Variants in MCTP2 observed in about 807,000 individuals in gnomAD.
The protein encoded by MCTP2 is multiple C2 and transmembrane domain containing 2.
MCTP2 carries 132 observed loss-of-function variants against 111.6 expected under a neutral mutation model. The observed-to-expected ratio is 1.18, with a 90% confidence interval of 1.03 to 1.37. MCTP2 has a LOEUF of 1.37. Ranked by LOEUF, MCTP2 falls within the 40% of genes most tolerant of loss-of-function variation. The pLI is 0.00. For synonymous variants in MCTP2, 395 were observed against 387.7 expected (o/e 1.02, Z -0.22); for missense variants, 1,183 against 1,067.9 (o/e 1.11, Z -1.50).
chr15:94,450,320 G>A (rs1202733289), intron 19 of MCTP2, among the ~76,000 whole-genome samples: 11 of 152,234 alleles, frequency 7.2e-5, no homozygotes, highest in Non-Finnish European at 1.6e-4. Flanking sequence ...AGCACGAGCT[G>A]TGGCGTTGAC....
chr15:94,442,994 A>G, intron 19 of MCTP2, 34 bp downstream of exon 19: 1 of 1,599,610 alleles, frequency 6.3e-7, no homozygotes, highest in Middle Eastern at 1.7e-4. Flanking sequence ...CACACAAAAA[A>G]ACACTAGTGT....
At chr15:94,434,989 G>A (rs568610409) in intron 17 of MCTP2, among the ~76,000 whole-genome samples, 3 of 151,564 alleles carry the variant, frequency 2.0e-5, no homozygotes, top group African/African-American at 4.9e-5. Flanking sequence ...TTAGCCTCCC[G>A]AGTAGCTGGG....
chr15:94,477,873 A>G (rs1251559838), intron 22 of MCTP2, among the ~76,000 whole-genome samples: 1 of 152,214 alleles, frequency 6.6e-6, no homozygotes, highest in African/African-American at 2.4e-5. Context: ...TTAAAAAATA[A>G]TAACCCGGCC....
rs1187967541 is a variant in MCTP2, at chr15:94,442,957, CA to C, written c.2249del (p.Lys750ArgfsTer8). 6.8e-6 allele frequency: 11 copies of C among 1,611,828 alleles called. No individual in the cohort carries two copies. The highest frequency in any genetic ancestry group is 9.3e-6 in the Non-Finnish European group (11 of 1,179,120). Reference sequence around the variant, plus strand: ...TAGATGACGAGGAGGATGAAGATGACAAGGTGCGTATGTTCAAGAAAGAACA... The same window carrying C: ...TAGATGACGAGGAGGATGAAGATGACAGGTGCGTATGTTCAAGAAAGAACA... ...DIDDEEDEDD[K>X]ESEKKGLIER... On this transcript the variant is annotated frameshift_variant and splice_region_variant, in exon 19 of 23. Coordinates refer to ENST00000357742, the MANE Select transcript of MCTP2 (RefSeq NM_001385001.1). LOFTEE classifies it high-confidence loss of function.
intron 2 of MCTP2, among the ~76,000 whole-genome samples, chr15:94,310,191 G>C (rs1003589249): frequency 6.6e-6 from 1 of 152,162 alleles, no homozygotes; most frequent in African/African-American, 2.4e-5. Context: ...GCATTAAGTT[G>C]GGTAAAAGAT....
intron 2 of MCTP2, among the ~76,000 whole-genome samples, chr15:94,299,211 A>C (rs1596301579): frequency 6.6e-6 from 1 of 151,844 alleles, no homozygotes; most frequent in Non-Finnish European, 1.5e-5. Context: ...TATTACAAAT[A>C]ACTCTTCCAG....
chr15:94,271,593 T>C (rs1426099492), intron 1 of MCTP2, among the ~76,000 whole-genome samples: 2 of 152,172 alleles, frequency 1.3e-5, no homozygotes, highest in Non-Finnish European at 2.9e-5. Context: ...GATTATGTTA[T>C]GAAAGAAACT....
At chr15:94,380,434 T>A (rs111685403) in intron 12 of MCTP2, among the ~76,000 whole-genome samples, 2 of 152,170 alleles carry the variant, frequency 1.3e-5, no homozygotes, top group African/African-American at 4.8e-5. Context: ...AGGGTCAGTT[T>A]AGTGCTAGGA....
intron 12 of MCTP2, among the ~76,000 whole-genome samples, chr15:94,375,772 C>G (rs2079738555): frequency 1.3e-5 from 2 of 152,086 alleles, no homozygotes; most frequent in African/African-American, 4.8e-5. Context: ...GACGAGAAAT[C>G]TAGGTTATTA....
At chr15:94,298,751 T>TC (rs2075394919) in intron 2 of MCTP2, 21 bp downstream of exon 2, 1 of 1,493,376 alleles carries the variant, frequency 6.7e-7, no homozygotes, top group African/African-American at 1.4e-5. Flanking sequence ...GGCTGGGCTC[T>TC]CTTTTTTTTT....
chr15:94,330,316 T>G (rs1458955111), intron 4 of MCTP2, among the ~76,000 whole-genome samples: 1 of 152,208 alleles, frequency 6.6e-6, no homozygotes, highest in Non-Finnish European at 1.5e-5. Flanking sequence ...TGTGCTTAAA[T>G]AGTGGCTTGG....
intron 13 of MCTP2, 135 bp downstream of exon 13, chr15:94,384,259 C>G (rs56321953): frequency 0.049 from 27,864 of 574,452 alleles, 790 homozygotes; most frequent in Non-Finnish European, 0.055. Flanking sequence ...ACCTTGTATC[C>G]TTTCATTTTT....
At chr15:94,472,013 G>A (rs905389270) in intron 21 of MCTP2, among the ~76,000 whole-genome samples, 4 of 152,154 alleles carry the variant, frequency 2.6e-5, no homozygotes, top group African/African-American at 7.2e-5. Context: ...GTTAAACATT[G>A]CTTCTTCTGG....
intron 2 of MCTP2, among the ~76,000 whole-genome samples, chr15:94,313,932 G>T (rs1363554364): frequency 6.6e-6 from 1 of 152,228 alleles, no homozygotes; most frequent in Non-Finnish European, 1.5e-5. Flanking sequence ...GAGGCTGGGG[G>T]CCGGGCTGGC....
intron 17 of MCTP2, among the ~76,000 whole-genome samples, chr15:94,437,155 C>CAAAA (rs11352999): frequency 4.2e-4 from 29 of 69,546 alleles, no homozygotes; most frequent in East Asian, 1.7e-3. Flanking sequence ...CTTACACATC[C>CAAAA]AAAAAAAAAA....
At chr15:94,319,803 GT>G (rs1157226713) in intron 4 of MCTP2, among the ~76,000 whole-genome samples, 2 of 152,124 alleles carry the variant, frequency 1.3e-5, no homozygotes, top group Non-Finnish European at 2.9e-5. Context: ...ATTAAAACAG[GT>G]TTAAGAAACT....
intron 1 of MCTP2, among the ~76,000 whole-genome samples, chr15:94,282,195 G>A (rs1567325493): frequency 6.6e-6 from 1 of 152,156 alleles, no homozygotes; most frequent in Non-Finnish European, 1.5e-5. Flanking sequence ...AGTGATAGGT[G>A]TAGTCTTCTA....
At chr15:94,437,669 T>C (rs2083555335) in intron 17 of MCTP2, among the ~76,000 whole-genome samples, 1 of 152,038 alleles carries the variant, frequency 6.6e-6, no homozygotes, top group Admixed American at 6.5e-5. Context: ...GGTGAAAAAA[T>C]ATCCAAGATC....
At chr15:94,403,097 C>T (rs2081686100) in intron 17 of MCTP2, 5 of 986,550 alleles carry the variant, frequency 5.1e-6, no homozygotes, top group Non-Finnish European at 4.8e-6. Flanking sequence ...TTTCCTTTGC[C>T]ATTGGGGGGT....
Sources: allele counts gnomAD v4.1 joint callset (sites outside exome capture counted in the v4.1 genomes callset), GRCh38; gene constraint gnomAD v4.1.1; transcripts MANE v1.5; gene names NCBI Gene and HGNC (gene_info 2026-07-23, HGNC 2026-07-21).